Variants in ADAMTS7 observed in about 807,000 individuals in gnomAD.
ADAMTS7 encodes ADAM metallopeptidase with thrombospondin type 1 motif 7, also known as A disintegrin and metalloproteinase with thrombospondin motifs 7.
A neutral mutation model predicts 172.6 loss-of-function variants in ADAMTS7; 89 were observed. That is an observed-to-expected ratio of 0.52 (90% CI 0.43 to 0.61). ADAMTS7 has a LOEUF of 0.61. Ranked by LOEUF, ADAMTS7 falls within the 20% of genes least tolerant of loss-of-function variation. The pLI, the probability that ADAMTS7 is intolerant of heterozygous loss-of-function variation, is 0.00. For synonymous variants in ADAMTS7, 885 were observed against 978.4 expected, an observed-to-expected ratio of 0.90 and a Z score of 1.78; for missense variants, 1,973 against 2,355.6, an observed-to-expected ratio of 0.84 and a Z score of 3.36.
chr15:78,760,805 G>A (rs1469177661), intron 23 of ADAMTS7, among the ~76,000 whole-genome samples: 20 of 152,116 alleles, frequency 1.3e-4, no homozygotes, highest in Non-Finnish European at 5.9e-5. Context: ...ACTTAGGACA[G>A]CTTCTAGTTC....
Position 78,767,550 on chromosome 15 carries a change from C to T in ADAMTS7, c.2688G>A (p.Gly896=). The change falls in exon 18 of 24, where the codon GGG becomes GGA. Residue 896 remains glycine (G), a synonymous_variant. Transcript: ENST00000388820. ...GEWQLCSSSC[G]PGGLSRRAVL... ...CGGCCCGGCGGGAGAGGCCCCCAGG[C>T]CCGCAGGAGCTGGAGCACAGCTGCC... 2 of 1,570,238 alleles carry T rather than the reference C, an allele frequency of 1.3e-6. No homozygotes were observed. Among genetic ancestry groups the T allele is most frequent in the Non-Finnish European group, 1.7e-6 (2 of 1,158,888 alleles).
intron 4 of ADAMTS7, among the ~76,000 whole-genome samples, chr15:78,796,001 G>T (rs2055638250): frequency 1.3e-5 from 2 of 152,172 alleles, no homozygotes; most frequent in African/African-American, 4.8e-5. Flanking sequence ...CCATCATGTG[G>T]GGTCAAGAGC....
Position 78,796,602 on chromosome 15 carries a change from G to A in ADAMTS7, c.807C>T (p.Thr269=). 4 of 1,612,352 alleles carry A rather than the reference G, an allele frequency of 2.5e-6. No individual in the cohort carries two copies. The highest frequency in any genetic ancestry group is 3.4e-6 in the Non-Finnish European group (4 of 1,179,160). Residue 269 remains threonine, a synonymous_variant, in exon 4 of 24, where the codon ACC becomes ACT. Coordinates refer to ENST00000388820, the MANE Select transcript of ADAMTS7 (RefSeq NM_014272.5). ...GQPQVESYVL[T]IMNMVAGLFH... ...CACACAGACTCACCATGTTCATGAT[G>A]GTCAGCACATAGCTCTCAACCTGCG...
At chr15:78,791,255 C>A (rs567783166) in intron 4 of ADAMTS7, 32 bp from the exon 5 acceptor site, 19 of 1,595,732 alleles carry the variant, frequency 1.2e-5, no homozygotes, top group African/African-American at 4.0e-5. Context: ...CAGGTTGTCA[C>A]GAGGATGAAG....
intron 8 of ADAMTS7, among the ~76,000 whole-genome samples, chr15:78,785,805 A>G (rs2055493323): frequency 6.6e-6 from 1 of 152,170 alleles, no homozygotes; most frequent in Non-Finnish European, 1.5e-5. Flanking sequence ...CTTTTTGGAA[A>G]TAGGAAAGTA....
rs754375948 is a variant in ADAMTS7, at chr15:78,760,592, CCT to C, written c.4904-1016_4904-1015del. On this transcript the variant is annotated intron_variant, in intron 23 of 23. Coordinates refer to ENST00000388820, the MANE Select transcript of ADAMTS7 (RefSeq NM_014272.5). Reference sequence around the variant, plus strand: ...TTCACCTCTTGGGCCTCGGTTCCCTCCTCTGTCAACCCCACCTCCACAGCAAA... The same window carrying C: ...TTCACCTCTTGGGCCTCGGTTCCCTCCTGTCAACCCCACCTCCACAGCAAA... Among the ~76,000 whole-genome samples the C allele has an allele frequency of 1.2e-4, 18 of 152,266 alleles. No individual in the cohort carries two copies. In the South Asian group the frequency reaches 1.7e-3, roughly 14 times the overall value.
intron 4 of ADAMTS7, among the ~76,000 whole-genome samples, 172 bp downstream of exon 4, chr15:78,796,417 GC>G (rs2055643633): frequency 6.6e-6 from 1 of 152,078 alleles, no homozygotes. Flanking sequence ...GTGACTAGCT[GC>G]CAAGACCCCC....
chr15:78,762,632 C>T lies in ADAMTS7; in HGVS notation c.4741-67G>A, dbSNP rs557949527. On this transcript the variant is annotated intron_variant, in intron 22 of 23. Transcript: ENST00000388820. ...CCTAGCAGTGGGGGCAGGGACACCT[C>T]CTCTGGGAAGCCGTCCCTGCGCCCT... 3 of 1,195,530 alleles carry T rather than the reference C, an allele frequency of 2.5e-6. No homozygotes were observed. The East Asian group carries it at 8.7e-5, about 35-fold the overall frequency. 74.1% of individuals were successfully genotyped at this position (1,195,530 alleles called of 1,614,324 possible).
In ADAMTS7 at chr15:78,798,106, A is replaced by C. The variant is rs2055671594; in HGVS notation, c.464T>G (p.Val155Gly). 6.4e-7 allele frequency: 1 copy of C among 1,552,244 alleles called. No homozygotes were observed. The highest frequency in any genetic ancestry group is 2.2e-5 in the Admixed American group (1 of 44,566). The stretch of plus-strand genomic sequence containing the variant: ...GTAGTCCTCGTTGGAGAGCTGGAAC[A>C]CACCTTTCTGGGGAAGAAGCACCAG... ...AISACDGLKG[V>G]FQLSNEDYFI... Residue 155 changes from valine (V) to glycine (G), a missense_variant, in exon 3 of 24, where the codon GTG becomes GGG. Coordinates refer to ENST00000388820, the MANE Select transcript of ADAMTS7 (RefSeq NM_014272.5).
rs569544181 is a variant in ADAMTS7 at position 78,787,856 on chromosome 15, T to C, written c.1322+375A>G. Among the ~76,000 whole-genome samples, 15 of 152,256 alleles carry C rather than the reference T, an allele frequency of 9.9e-5. No homozygotes were observed. In the South Asian group the frequency reaches 3.1e-3, roughly 32 times the overall value. On this transcript the variant is annotated intron_variant, in intron 8 of 23. Transcript: ENST00000388820. Reference sequence around the variant, plus strand: ...TTTGCTCCCATAGCCTTGCTCAGGGTTCCGCCGTTCCCTGAAAGCTCTCCC... The same window carrying C: ...TTTGCTCCCATAGCCTTGCTCAGGGCTCCGCCGTTCCCTGAAAGCTCTCCC...
intron 1 of ADAMTS7, among the ~76,000 whole-genome samples, chr15:78,808,356 C>T (rs1054758225): frequency 3.3e-5 from 5 of 152,126 alleles, no homozygotes; most frequent in African/African-American, 9.7e-5. Context: ...CATGCCTCAG[C>T]CTTCCGAGGA....
At chr15:78,801,861 A>AT (rs1238817796) in intron 1 of ADAMTS7, among the ~76,000 whole-genome samples, 9 of 151,424 alleles carry the variant, frequency 5.9e-5, no homozygotes, top group Non-Finnish European at 1.5e-5. Flanking sequence ...TTTATTTTTA[A>AT]TTTTTTTAAT....
rs750124676 is a variant in ADAMTS7, at chr15:78,766,678, T to C, written c.3233A>G (p.Tyr1078Cys). 8.9e-5 allele frequency: 143 copies of C among 1,609,680 alleles called. No individual in the cohort carries two copies. Among genetic ancestry groups the C allele is most frequent in the Non-Finnish European group, 1.2e-4 (139 of 1,178,986 alleles). Residue 1078 changes from tyrosine (Y) to cysteine (C), a missense_variant, in exon 19 of 24, where the codon TAC (tyrosine) becomes TGC (cysteine). Coordinates refer to ENST00000388820, the MANE Select transcript of ADAMTS7 (RefSeq NM_014272.5). Reference protein sequence around the residue: ...NFINFHEDLSYGPSEEPDLDL... With the variant: ...NFINFHEDLSCGPSEEPDLDL... ...TAGATCGGGCTCCTCAGAGGGCCCG[T>C]AGGACAGATCCTCGTGGAAATTGAT... is the stretch of plus-strand genomic sequence containing the variant.
Position 78,789,779 on chromosome 15 carries a change from G to A in ADAMTS7, c.1088C>T (p.Ala363Val), listed in dbSNP as rs775030117. 8 of 1,609,380 alleles carry A rather than the reference G, an allele frequency of 5.0e-6. No homozygotes were observed. The highest frequency in any genetic ancestry group is 1.7e-4 in the Middle Eastern group (1 of 6,048). ...GCTGCGGTGCGGCTGGCACATGCCC[G>A]CCACATGGGACAGTCCCAGGGTCTC... ...PCETLGLSHV[A>V]GMCQPHRSCS... The change falls in exon 7 of 24, where the codon GCG (alanine) becomes GTG (valine). Residue 363 changes from alanine to valine, a missense_variant. Ala to Val is a moderately conservative substitution (Grantham distance 64, BLOSUM62 0). This residue lies in a region of ADAMTS7 where 526 missense variants were observed against 662.9 expected (regional missense o/e 0.79). Coordinates refer to ENST00000388820, the MANE Select transcript of ADAMTS7 (RefSeq NM_014272.5).
intron 14 of ADAMTS7, among the ~76,000 whole-genome samples, chr15:78,772,126 A>G (rs923629854): frequency 4.6e-5 from 7 of 152,048 alleles, no homozygotes; most frequent in African/African-American, 1.7e-4. Context: ...TTTCTAAAAA[A>G]ACCAAAGTGC....
intron 22 of ADAMTS7, among the ~76,000 whole-genome samples, chr15:78,763,087 C>T (rs538884172): frequency 4.6e-5 from 7 of 152,340 alleles, no homozygotes; most frequent in East Asian, 1.9e-4. Flanking sequence ...CCCTGTGCTT[C>T]GTTGCGTTCC....
rs1875623650 is a variant in ADAMTS7, at chr15:78,791,135, C to T, written c.903+5G>A. 2.5e-6 allele frequency: 4 copies of T among 1,612,342 alleles called. No homozygotes were observed. The highest frequency in any genetic ancestry group is 1.1e-5 in the South Asian group (1 of 90,788). On this transcript the variant is annotated splice_donor_5th_base_variant and intron_variant, in intron 5 of 23. Coordinates refer to ENST00000388820, the MANE Select transcript of ADAMTS7 (RefSeq NM_014272.5). ...CGGGCAGCGTGGGACCACATGACCA[C>T]TCACCTCCTCATCTTCCAGCAGGAC... is the stretch of plus-strand genomic sequence containing the variant.
chr15:78,789,481 C>T (rs2055549127), intron 7 of ADAMTS7, among the ~76,000 whole-genome samples: 2 of 152,352 alleles, frequency 1.3e-5, no homozygotes, highest in Middle Eastern at 6.8e-3. Context: ...CTAGAGATGC[C>T]CAGGCAGCCC....
intron 14 of ADAMTS7, among the ~76,000 whole-genome samples, chr15:78,772,403 T>A (rs2055265962): frequency 6.6e-6 from 1 of 152,250 alleles, no homozygotes; most frequent in African/African-American, 2.4e-5. Flanking sequence ...CACACTGCAC[T>A]GCATCTCTGG....
Sources: allele counts gnomAD v4.1 joint callset (sites outside exome capture counted in the v4.1 genomes callset), GRCh38; gene constraint gnomAD v4.1.1; regional missense constraint gnomAD v4.1.1; transcripts MANE v1.5; gene names NCBI Gene and HGNC (gene_info 2026-07-23, HGNC 2026-07-21).